Variants in XNDC1N observed in about 807,000 individuals in gnomAD.
The protein encoded by XNDC1N is protein XNDC1N.
chr11:71,867,637 G>A, the XNDC1N span, among the ~76,000 whole-genome samples: 6 of 152,126 alleles, frequency 3.9e-5, no homozygotes, highest in African/African-American at 1.2e-4. Flanking sequence ...ATTTTTATTG[G>A]GATGTGGTCA....
chr11:71,895,890 A>G, the XNDC1N span, among the ~76,000 whole-genome samples: 2 of 152,244 alleles, frequency 1.3e-5, no homozygotes, highest in South Asian at 2.1e-4. Context: ...CACTGCAGAC[A>G]AAATGGATGA....
chr11:71,880,049 A>G, the XNDC1N span, among the ~76,000 whole-genome samples: 1 of 152,204 alleles, frequency 6.6e-6, no homozygotes, highest in Non-Finnish European at 1.5e-5. Context: ...AAACACCAAC[A>G]TTCACGGAGG....
At chr11:71,915,011 C>A in the XNDC1N span, among the ~76,000 whole-genome samples, 1 of 152,184 alleles carries the variant, frequency 6.6e-6, no homozygotes, top group African/African-American at 2.4e-5. Context: ...AGAACTCTTT[C>A]ATGAAAGGAA....
At chr11:71,911,835 C>T in the XNDC1N span, among the ~76,000 whole-genome samples, 379 of 152,236 alleles carry the variant, frequency 2.5e-3, 1 homozygote, top group Middle Eastern at 0.014. Context: ...GGAATTCCCG[C>T]GCTGACTCAG....
chr11:71,883,774 C>T, the XNDC1N span, among the ~76,000 whole-genome samples: 1 of 152,190 alleles, frequency 6.6e-6, no homozygotes, highest in East Asian at 1.9e-4. Flanking sequence ...GGGTTATAGG[C>T]TCCTGTCCAT....
the XNDC1N span, chr11:71,894,248 T>C: frequency 1.2e-4 from 51 of 433,192 alleles, 1 homozygote; most frequent in South Asian, 1.1e-3. Flanking sequence ...GGCGTGTACT[T>C]GACTTCAGCT....
chr11:71,911,950 G>A, the XNDC1N span, among the ~76,000 whole-genome samples: 1 of 152,190 alleles, frequency 6.6e-6, no homozygotes, highest in East Asian at 1.9e-4. Flanking sequence ...TCTGCAGGTA[G>A]AGGGAAGGAC....
the XNDC1N span, among the ~76,000 whole-genome samples, chr11:71,900,068 A>C: frequency 1.3e-5 from 2 of 151,130 alleles, no homozygotes; most frequent in Non-Finnish European, 3.0e-5. Flanking sequence ...TGCATGTCCA[A>C]TCATAGTACC....
chr11:71,895,898 T>A, the XNDC1N span, among the ~76,000 whole-genome samples: 1 of 152,216 alleles, frequency 6.6e-6, no homozygotes, highest in African/African-American at 2.4e-5. Flanking sequence ...ACAAAATGGA[T>A]GAGACTGCAG....
At chr11:71,876,211 ACT>A in the XNDC1N span, among the ~76,000 whole-genome samples, 1 of 152,084 alleles carries the variant, frequency 6.6e-6, no homozygotes, top group African/African-American at 2.4e-5. Context: ...GTGCAATAAA[ACT>A]CTATAATTTC....
chr11:71,893,280 C>T, the XNDC1N span: 2 of 476,580 alleles, frequency 4.2e-6, no homozygotes, highest in Non-Finnish European at 7.6e-6. Flanking sequence ...CCTTGTATAG[C>T]AAAAAGTAAA....
At chr11:71,889,338 CA>C in the XNDC1N span, among the ~76,000 whole-genome samples, 1 of 152,198 alleles carries the variant, frequency 6.6e-6, no homozygotes, top group Non-Finnish European at 1.5e-5. Context: ...CAGGGGACAC[CA>C]GCGAGCTTCC....
At chr11:71,884,609 T>C in the XNDC1N span, 1 of 1,552,460 alleles carries the variant, frequency 6.4e-7, no homozygotes, top group Non-Finnish European at 8.7e-7. Context: ...AAACATGTCT[T>C]AAACTCTCTT....
chr11:71,870,235 C>T, the XNDC1N span, among the ~76,000 whole-genome samples: 1 of 152,152 alleles, frequency 6.6e-6, no homozygotes, highest in Non-Finnish European at 1.5e-5. Context: ...TATCACTGTC[C>T]TTTGGATGGG....
At chr11:71,912,466 G>A in the XNDC1N span, among the ~76,000 whole-genome samples, 6 of 152,082 alleles carry the variant, frequency 3.9e-5, no homozygotes, top group Admixed American at 1.3e-4. Context: ...CGTTTCCTAC[G>A]TTGTTGCGAG....
At chr11:71,896,852 C>A in the XNDC1N span, among the ~76,000 whole-genome samples, 8 of 152,258 alleles carry the variant, frequency 5.3e-5, no homozygotes, top group African/African-American at 1.7e-4. Context: ...GCGTGAGCGA[C>A]TGCGGCCGGC....
At chr11:71,906,017 G>A in the XNDC1N span, among the ~76,000 whole-genome samples, 36 of 151,920 alleles carry the variant, frequency 2.4e-4, no homozygotes, top group African/African-American at 7.7e-4. Context: ...GTAACATTAG[G>A]GGTAACATCC....
chr11:71,875,796 C>T, the XNDC1N span, among the ~76,000 whole-genome samples: 1 of 152,144 alleles, frequency 6.6e-6, no homozygotes, highest in South Asian at 2.1e-4. Flanking sequence ...GAGGCAGAGG[C>T]AGGCAGATCA....
the XNDC1N span, among the ~76,000 whole-genome samples, chr11:71,925,245 C>T: frequency 1.3e-5 from 2 of 152,006 alleles, no homozygotes; most frequent in South Asian, 2.1e-4. Context: ...AAGCTCTCGG[C>T]GGACAGGTTT....
Sources: allele counts gnomAD v4.1 joint callset (sites outside exome capture counted in the v4.1 genomes callset), GRCh38; gene constraint gnomAD v4.1.1; transcripts MANE v1.5; gene names NCBI Gene and HGNC (gene_info 2026-07-23, HGNC 2026-07-21).